Variants in TMED2 observed in about 807,000 individuals in gnomAD.
TMED2 encodes the protein transmembrane emp24 domain-containing protein 2.
Under a neutral mutation model 17.5 loss-of-function variants are expected in TMED2, and 3 were observed. The ratio of observed to expected loss-of-function variants is 0.17; its 90% confidence interval spans 0.08 to 0.44. The LOEUF (loss-of-function observed/expected upper bound fraction) is 0.44, where lower values mean the gene tolerates loss of function less well. TMED2 is among the 20% of genes least tolerant of loss of function. TMED2 has a pLI of 0.99. For synonymous variants in TMED2, 95 were observed against 91.0 expected (o/e 1.04, Z -0.25); for missense variants, 149 against 254.8 (o/e 0.58, Z 2.83).
intron 2 of TMED2, among the ~76,000 whole-genome samples, chr12:123,588,941 T>C (rs1182149066): frequency 6.6e-6 from 1 of 152,122 alleles, no homozygotes; most frequent in Non-Finnish European, 1.5e-5. Context: ...CCTTCAATGG[T>C]AGAGGCCCTT....
chr12:123,595,840 G>A (rs1255498564), intron 3 of TMED2, among the ~76,000 whole-genome samples: 1 of 152,112 alleles, frequency 6.6e-6, no homozygotes, highest in Non-Finnish European at 1.5e-5. Flanking sequence ...ACCAACTTGG[G>A]CAACATAGCA....
At chr12:123,590,638 C>T in intron 3 of TMED2, 189 bp downstream of exon 3, 1 of 400,594 alleles carries the variant, frequency 2.5e-6, no homozygotes, top group South Asian at 3.0e-5. Flanking sequence ...ATTATTGGGA[C>T]ATTCATTGTA....
At chr12:123,594,560 C>A (rs1953416445) in intron 3 of TMED2, among the ~76,000 whole-genome samples, 1 of 151,988 alleles carries the variant, frequency 6.6e-6, no homozygotes, top group African/African-American at 2.4e-5. Flanking sequence ...GAGCTTGAGA[C>A]CAACCTGGGC....
intron 3 of TMED2, among the ~76,000 whole-genome samples, chr12:123,593,333 A>G (rs562260744): frequency 1.2e-4 from 18 of 151,882 alleles, no homozygotes; most frequent in Admixed American, 6.6e-4. Context: ...GCCCACTGCA[A>G]TCTCCACCTC....
chr12:123,594,685 C>T (rs956396637), intron 3 of TMED2, among the ~76,000 whole-genome samples: 12 of 148,656 alleles, frequency 8.1e-5, no homozygotes, highest in African/African-American at 1.7e-4. Context: ...GTCGGGAGTT[C>T]GAGACCAGCC....
intron 3 of TMED2, among the ~76,000 whole-genome samples, chr12:123,593,339 A>C (rs137861315): frequency 0.03 from 4,494 of 151,638 alleles, 86 homozygotes; most frequent in Middle Eastern, 0.065. Context: ...TGCAATCTCC[A>C]CCTCCTGGGT....
At chr12:123,588,389 G>T (rs1465926376) in intron 2 of TMED2, among the ~76,000 whole-genome samples, 1 of 152,080 alleles carries the variant, frequency 6.6e-6, no homozygotes, top group African/African-American at 2.4e-5. Flanking sequence ...CTACTACTTA[G>T]TAATTCCTGC....
At chr12:123,589,993 A>G (rs1953379472) in intron 2 of TMED2, among the ~76,000 whole-genome samples, 1 of 151,668 alleles carries the variant, frequency 6.6e-6, no homozygotes, top group South Asian at 2.1e-4. Flanking sequence ...TTGAAAAAAA[A>G]AAAAGATGGC....
At chr12:123,594,418 G>A (rs1953415486) in intron 3 of TMED2, among the ~76,000 whole-genome samples, 1 of 152,022 alleles carries the variant, frequency 6.6e-6, no homozygotes, top group African/African-American at 2.4e-5. Flanking sequence ...ACAGGCATGA[G>A]CCACTGTGCC....
chr12:123,585,025 A>T, intron 1 of TMED2: 2 of 606,908 alleles, frequency 3.3e-6, no homozygotes, highest in Non-Finnish European at 5.6e-6. Context: ...GGGTTCCGGG[A>T]TCCCTTGGGG....
chr12:123,591,149 G>T (rs913121985), intron 3 of TMED2, among the ~76,000 whole-genome samples: 5 of 152,126 alleles, frequency 3.3e-5, no homozygotes, highest in Admixed American at 3.3e-4. Context: ...AATATTAGAT[G>T]CTGAGATTTA....
At chr12:123,595,263 A>G (rs934842603) in intron 3 of TMED2, among the ~76,000 whole-genome samples, 10 of 152,188 alleles carry the variant, frequency 6.6e-5, no homozygotes, top group African/African-American at 2.4e-4. Context: ...TTTGATCAGA[A>G]ACTTGAATGT....
chr12:123,592,680 C>G (rs566614013), intron 3 of TMED2, among the ~76,000 whole-genome samples: 1 of 152,306 alleles, frequency 6.6e-6, no homozygotes, highest in African/African-American at 2.4e-5. Context: ...ATAATGAGAT[C>G]CTTTCACTAC....
chr12:123,595,657 GTTT>G (rs1953425752), intron 3 of TMED2, among the ~76,000 whole-genome samples: 1 of 152,068 alleles, frequency 6.6e-6, no homozygotes, highest in Non-Finnish European at 1.5e-5. Flanking sequence ...GTTGTATTGG[GTTT>G]TAACCCTAGA....
rs1201838199 is a variant in TMED2 at position 123,586,741 on chromosome 12, C to G, written c.181-6C>G. ...GACATTTTATGCATTTCTCTCTTGC[C>G]TCCAGATTACAGGACCAGATAACAA... On this transcript the variant is annotated splice_polypyrimidine_tract_variant and splice_region_variant and intron_variant, in intron 1 of 3. Coordinates refer to ENST00000262225, the MANE Select transcript of TMED2 (RefSeq NM_006815.4). The G allele has an allele frequency of 6.3e-7, 1 of 1,579,148 alleles. No individual in the cohort carries two copies. Among genetic ancestry groups the G allele is most frequent in the Non-Finnish European group, 8.6e-7 (1 of 1,161,332 alleles).
intron 2 of TMED2, chr12:123,587,694 C>G: frequency 1.6e-6 from 2 of 1,229,922 alleles, no homozygotes; most frequent in Non-Finnish European, 2.1e-6. Flanking sequence ...TGTCTAATTT[C>G]TGCTTTCTTT....
chr12:123,584,851 G>T, intron 1 of TMED2, 35 bp downstream of exon 1: 2 of 1,599,662 alleles, frequency 1.3e-6, no homozygotes, highest in Non-Finnish European at 1.7e-6. Context: ...AGGCTTGGTC[G>T]CGTGGCCACT....
At chr12:123,588,746 GGCCATGGAGGCTGCT>G (rs759846524) in intron 2 of TMED2, among the ~76,000 whole-genome samples, 4 of 152,132 alleles carry the variant, frequency 2.6e-5, no homozygotes, top group Non-Finnish European at 5.9e-5. Context: ...TAGGACTGGA[GGCCATGGAGGCTGCT>G]AAATACCCTA....
intron 2 of TMED2, 55 bp downstream of exon 2, chr12:123,586,994 T>TTGGA: frequency 6.8e-7 from 1 of 1,466,178 alleles, no homozygotes; most frequent in Non-Finnish European, 9.1e-7. Flanking sequence ...ATTTTAGTTC[T>TTGGA]ATACATTTTT....
Sources: allele counts gnomAD v4.1 joint callset (sites outside exome capture counted in the v4.1 genomes callset), GRCh38; gene constraint gnomAD v4.1.1; transcripts MANE v1.5; gene names NCBI Gene and HGNC (gene_info 2026-07-23, HGNC 2026-07-21).